The following ERBB4 variants were observed in gnomAD, a reference collection of about 807,000 sequenced individuals.
ERBB4 encodes the protein receptor tyrosine-protein kinase erbB-4.
Under a neutral mutation model 158.0 loss-of-function variants are expected in ERBB4, and 42 were observed. That is an observed-to-expected ratio of 0.27 (90% CI 0.21 to 0.34). The LOEUF is 0.34. Ranked by LOEUF, ERBB4 falls within the 10% of genes least tolerant of loss-of-function variation. The pLI, the probability that ERBB4 is intolerant of heterozygous loss-of-function variation, is 1.00. For missense variants in ERBB4, 1,333 were observed against 1,624.1 expected (o/e 0.82, Z 3.08); for synonymous variants, 583 against 558.7 (o/e 1.04, Z -0.61).
chr2:211,996,127 T>C (rs2082195413), intron 2 of ERBB4, among the ~76,000 whole-genome samples: 1 of 152,218 alleles, frequency 6.6e-6, no homozygotes, highest in Admixed American at 6.5e-5. Context: ...TTTAGGTAGA[T>C]ATTAATTAGT....
intron 20 of ERBB4, among the ~76,000 whole-genome samples, chr2:211,484,324 G>C (rs940149699): frequency 6.6e-6 from 1 of 151,996 alleles, no homozygotes; most frequent in Non-Finnish European, 1.5e-5. Flanking sequence ...ACATTAAATG[G>C]TCTAAACACT....
chr2:212,481,068 A>T (rs1475212337), intron 1 of ERBB4, among the ~76,000 whole-genome samples: 2 of 152,172 alleles, frequency 1.3e-5, no homozygotes, highest in African/African-American at 4.8e-5. Flanking sequence ...ATGTGTGCAT[A>T]CAACACATAT....
chr2:211,763,515 C>A (rs1392067512), intron 4 of ERBB4, among the ~76,000 whole-genome samples: 1 of 152,154 alleles, frequency 6.6e-6, no homozygotes, highest in Non-Finnish European at 1.5e-5. Context: ...AGGCCAGTAT[C>A]TTCACATCAT....
chr2:211,900,697 A>T (rs532454084), intron 3 of ERBB4, among the ~76,000 whole-genome samples: 98 of 152,304 alleles, frequency 6.4e-4, no homozygotes, highest in African/African-American at 2.3e-3. Context: ...GGCTCTATAC[A>T]GGACATGGAC....
chr2:211,896,881 A>G (rs1202102885), intron 3 of ERBB4, among the ~76,000 whole-genome samples: 2 of 151,964 alleles, frequency 1.3e-5, no homozygotes, highest in South Asian at 2.1e-4. Flanking sequence ...ATTATTTCCA[A>G]TCCTATTTAT....
intron 7 of ERBB4, among the ~76,000 whole-genome samples, chr2:211,720,498 A>C (rs1214099954): frequency 6.6e-6 from 1 of 152,228 alleles, no homozygotes; most frequent in Admixed American, 6.5e-5. Context: ...CTAAAGATTT[A>C]ACGCCATGTC....
chr2:212,140,947 GT>G (rs2080445313), intron 1 of ERBB4, among the ~76,000 whole-genome samples: 1 of 149,026 alleles, frequency 6.7e-6, no homozygotes, highest in African/African-American at 2.5e-5. Flanking sequence ...TTCTTTTCTA[GT>G]TCATGCAATT....
At chr2:212,238,248 C>A (rs142626282) in intron 1 of ERBB4, among the ~76,000 whole-genome samples, 1 of 152,180 alleles carries the variant, frequency 6.6e-6, no homozygotes, top group African/African-American at 2.4e-5. Flanking sequence ...GTTGCGAAGA[C>A]TGTAGGAAAA....
intron 16 of ERBB4, among the ~76,000 whole-genome samples, chr2:211,637,050 T>A (rs1052437672): frequency 2.0e-5 from 3 of 152,108 alleles, no homozygotes; most frequent in African/African-American, 7.2e-5. Flanking sequence ...TAGGGTCAAA[T>A]GTTACAATTC....
intron 20 of ERBB4, among the ~76,000 whole-genome samples, chr2:211,504,494 T>A (rs976188957): frequency 6.7e-6 from 1 of 148,828 alleles, no homozygotes; most frequent in African/African-American, 2.5e-5. Flanking sequence ...AAAACTAAGA[T>A]GTAACAGTTT....
chr2:212,248,054 G>A (rs562535726), intron 1 of ERBB4, among the ~76,000 whole-genome samples: 5 of 152,046 alleles, frequency 3.3e-5, no homozygotes, highest in Non-Finnish European at 5.9e-5. Flanking sequence ...AAATACTGGA[G>A]ATGTTAATTT....
At chr2:211,987,884 G>C (rs1341864507) in intron 2 of ERBB4, among the ~76,000 whole-genome samples, 1 of 152,100 alleles carries the variant, frequency 6.6e-6, no homozygotes. Flanking sequence ...TCCATTTAAA[G>C]GAAGTTTTAC....
At chr2:212,247,485 G>C (rs1574513232) in intron 1 of ERBB4, among the ~76,000 whole-genome samples, 3 of 152,048 alleles carry the variant, frequency 2.0e-5, no homozygotes, top group African/African-American at 7.2e-5. Context: ...ATGATTTCCA[G>C]CATATTTTTA....
chr2:212,526,206 G>C (rs1692437992), intron 1 of ERBB4, among the ~76,000 whole-genome samples: 3 of 152,116 alleles, frequency 2.0e-5, no homozygotes, highest in Admixed American at 2.0e-4. Flanking sequence ...TTGTAGGAGT[G>C]AAATAGCATG....
intron 1 of ERBB4, among the ~76,000 whole-genome samples, chr2:212,372,402 C>A (rs1041458476): frequency 1.3e-5 from 2 of 152,004 alleles, no homozygotes; most frequent in Non-Finnish European, 2.9e-5. Flanking sequence ...CCCTTGTTGA[C>A]CTTAAATCCT....
chr2:212,419,277 G>A (rs988532011), intron 1 of ERBB4, among the ~76,000 whole-genome samples: 3 of 151,872 alleles, frequency 2.0e-5, no homozygotes, highest in African/African-American at 7.2e-5. Flanking sequence ...GCTGTAACAT[G>A]TAATCACTAG....
intron 3 of ERBB4, among the ~76,000 whole-genome samples, chr2:211,842,014 T>A (rs571721339): frequency 1.3e-5 from 2 of 152,190 alleles, no homozygotes; most frequent in South Asian, 2.1e-4. Flanking sequence ...AGGAAGCAAG[T>A]ATTATTTACA....
At chr2:212,372,433 GC>G (rs1340197131) in intron 1 of ERBB4, among the ~76,000 whole-genome samples, 2 of 151,968 alleles carry the variant, frequency 1.3e-5, no homozygotes, top group Non-Finnish European at 2.9e-5. Flanking sequence ...AGCTTCCTTT[GC>G]CTAGCTCTGA....
At chr2:212,428,069 T>TC (rs200201896) in intron 1 of ERBB4, among the ~76,000 whole-genome samples, 21,799 of 152,118 alleles carry the variant, frequency 0.14, 1,718 homozygotes, top group African/African-American at 0.19. Flanking sequence ...ATTATCTCCA[T>TC]TTTGCAAATA....
Sources: gnomAD v4.1 joint callset for allele counts (sites outside exome capture counted in the v4.1 genomes callset) on GRCh38, gnomAD v4.1.1 for gene constraint, MANE v1.5 for transcripts, NCBI Gene and HGNC (gene_info 2026-07-23, HGNC 2026-07-21) for gene names.